Variants in PSME1 observed in about 807,000 individuals in gnomAD.
PSME1 encodes the protein proteasome activator subunit 1, also known as proteasome activator complex subunit 1.
A neutral mutation model predicts 38.4 loss-of-function variants in PSME1; 15 were observed. The ratio of observed to expected loss-of-function variants is 0.39; its 90% CI spans 0.26 to 0.60. The LOEUF (loss-of-function observed/expected upper bound fraction) is 0.60, where lower values mean the gene tolerates loss of function less well. Ranked by LOEUF, PSME1 falls within the 20% of genes least tolerant of loss-of-function variation. The pLI, the probability that PSME1 is intolerant of heterozygous loss-of-function variation, is 0.53. For synonymous variants in PSME1, 106 were observed against 106.8 expected, an observed-to-expected ratio of 0.99 and a Z score of 0.05; for missense variants, 249 against 305.6, an observed-to-expected ratio of 0.81 and a Z score of 1.38.
At chr14:24,138,674 C>T in intron 10 of PSME1, 62 bp from the exon 11 acceptor site, 1 of 1,613,660 alleles carries the variant, frequency 6.2e-7, no homozygotes, top group Non-Finnish European at 8.5e-7. Context: ...CTCCACAAGG[C>T]TAGAAATGGG....
In PSME1 at chr14:24,138,481, A is replaced by G; in HGVS notation, c.590A>G (p.Tyr197Cys). The G allele has an allele frequency of 1.1e-5, 17 of 1,614,106 alleles. No homozygotes were observed. The highest frequency in any genetic ancestry group is 1.4e-5 in the Non-Finnish European group (17 of 1,180,042). ...GACCCGAGCTTCCCACAGGGTGATT[A>G]TCGGCAGCTGGTGCACGAGCTGGAT... ...KAAKQPHVGD[Y>C]RQLVHELDEA... The change falls in exon 10 of 11, where the codon TAT becomes TGT. Residue 197 changes from tyrosine to cysteine, a missense_variant. Physicochemically the swap from Tyr to Cys is radical, Grantham distance 194. Coordinates refer to ENST00000206451, the MANE Select transcript of PSME1 (RefSeq NM_006263.4).
chr14:24,137,038 G>C (rs190595700), intron 2 of PSME1, 21 bp downstream of exon 2: 413 of 1,614,066 alleles, frequency 2.6e-4, no homozygotes, highest in Middle Eastern at 6.6e-4. Context: ...CCCCATCAGC[G>C]TGGCCCCACC....
Position 24,138,737 on chromosome 14 carries a change from C to T in PSME1, c.671C>T (p.Ala224Val). The change falls in exon 11 of 11, where the codon GCT (alanine) becomes GTT (valine). Residue 224 changes from alanine to valine, a missense_variant and splice_region_variant. By Grantham distance (64) the Ala-to-Val change is moderately conservative. Coordinates refer to ENST00000206451, the MANE Select transcript of PSME1 (RefSeq NM_006263.4). The stretch of plus-strand genomic sequence containing the variant: ...GACCTCTACTCCCTGGCCCTGTAGG[C>T]TGTGTTATATGACATCATCCTGAAG... ...LMVMEIRNAY[A>V]VLYDIILKNF... 1.2e-6 allele frequency: 2 copies of T among 1,614,132 alleles called. No individual in the cohort carries two copies. Among genetic ancestry groups the T allele is most frequent in the Non-Finnish European group, 1.7e-6 (2 of 1,180,008 alleles).
rs1213204730 is a variant in PSME1, at chr14:24,137,329, T to C, written c.144T>C (p.Ala48=). 2 of 1,613,968 alleles carry C rather than the reference T, an allele frequency of 1.2e-6. No individual in the cohort carries two copies. The highest frequency in any genetic ancestry group is 1.3e-5 in the African/African-American group (1 of 74,978). ...SELDAFLKEP[A]LNEANLSNLK... is the part of the protein sequence containing the mutation. Reference sequence around the variant, plus strand: ...CTCCCACCCTACACCAGGAGCCAGCTCTCAATGAAGCCAACTTGAGCAATC... The same window carrying C: ...CTCCCACCCTACACCAGGAGCCAGCCCTCAATGAAGCCAACTTGAGCAATC... Residue 48 remains alanine (A), a synonymous_variant, in exon 4 of 11, where the codon GCT becomes GCC. Transcript: ENST00000206451.
chr14:24,137,138 C>A lies in PSME1; in HGVS notation c.73-5C>A. ...CATCCTCCTCCACCCCCACCTCACA[C>A]ACAGACAGAGAACCTGCTCGGGAGC... On this transcript the variant is annotated splice_region_variant and splice_polypyrimidine_tract_variant and intron_variant, in intron 2 of 10. Transcript: ENST00000206451. The A allele has an allele frequency of 6.2e-7, 1 of 1,614,196 alleles. No homozygotes were observed. The highest frequency in any genetic ancestry group is 2.2e-5 in the East Asian group (1 of 44,890).
At chr14:24,138,634 C>A (rs1485978812) in intron 10 of PSME1, 74 bp downstream of exon 10, 2 of 1,613,662 alleles carry the variant, frequency 1.2e-6, no homozygotes, top group South Asian at 2.2e-5. Flanking sequence ...ACCCTGCAGG[C>A]TAGGGGTTAA....
Position 24,138,126 on chromosome 14 carries a change from G to A in PSME1, c.459+9G>A, listed in dbSNP as rs753551628. 26 of 1,613,988 alleles carry A rather than the reference G, an allele frequency of 1.6e-5. No homozygotes were observed. Among genetic ancestry groups the A allele is most frequent in the South Asian group, 3.3e-5 (3 of 91,088 alleles). ...TTGGAGTGGCTGTCCAGGTGAGAGCGCTGCCCCACTTCCCTGCTCTTTTCT... is the reference window on the plus strand; with the variant it reads ...TTGGAGTGGCTGTCCAGGTGAGAGCACTGCCCCACTTCCCTGCTCTTTTCT... On this transcript the variant is annotated intron_variant, in intron 7 of 10. Transcript: ENST00000206451.
chr14:24,136,411 C>A lies in PSME1; in HGVS notation c.39+110C>A, dbSNP rs2037903071. 3 of 1,121,862 alleles carry A rather than the reference C, an allele frequency of 2.7e-6. No homozygotes were observed. Among genetic ancestry groups the A allele is most frequent in the Non-Finnish European group, 3.6e-6 (3 of 843,242 alleles). The allele number at this position is 1,121,862 out of a possible 1,614,324, so 69.5% of individuals were successfully genotyped here. Reference sequence around the variant, plus strand: ...CCCACGCGAGTCGGGGGCAGTCGGCCGAGCTGGCGCGCCCGGAGCACCTGC... The same window carrying A: ...CCCACGCGAGTCGGGGGCAGTCGGCAGAGCTGGCGCGCCCGGAGCACCTGC... On this transcript the variant is annotated intron_variant, in intron 1 of 10. Coordinates refer to ENST00000206451, the MANE Select transcript of PSME1 (RefSeq NM_006263.4). The surrounding 1 kb of genome is among the most constrained non-coding windows in gnomAD (Gnocchi z 4.8).
Position 24,136,437 on chromosome 14 carries a change from G to A in PSME1, c.39+136G>A. ...GAGCTGGCGCGCCCGGAGCACCTGC[G>A]CCCCGGGGAGGGCGGCGACTGCTGC... On this transcript the variant is annotated intron_variant, in intron 1 of 10. Transcript: ENST00000206451. The surrounding 1 kb of genome is among the most constrained non-coding windows in gnomAD (Gnocchi z 4.8). 4.7e-6 allele frequency: 4 copies of A among 856,874 alleles called. No homozygotes were observed. Among genetic ancestry groups the A allele is most frequent in the South Asian group, 2.3e-5 (1 of 43,070 alleles). 53.1% of individuals were successfully genotyped at this position (856,874 alleles called of 1,614,324 possible). A position where few individuals can be genotyped will look rare whatever the true frequency, so the allele number is the denominator to read the frequency against.
intron 10 of PSME1, 43 bp from the exon 11 acceptor site, chr14:24,138,693 C>T (rs1399101626): frequency 1.2e-6 from 2 of 1,613,810 alleles, no homozygotes; most frequent in Non-Finnish European, 8.5e-7. Context: ...GGGCACAGAG[C>T]CACTGGAGGC....
At position 24,138,332 on chromosome 14, in the gene PSME1, TCTC is replaced by T. The variant is rs563955196; in HGVS notation, c.528-10_528-8del. The T allele has an allele frequency of 2.4e-4, 385 of 1,614,052 alleles. No homozygotes were observed. In the East Asian group the frequency reaches 8.2e-3, roughly 34 times the overall value. On this transcript the variant is annotated splice_polypyrimidine_tract_variant and intron_variant, in intron 8 of 10. Coordinates refer to ENST00000206451, the MANE Select transcript of PSME1 (RefSeq NM_006263.4). ...CTCCTTCTTCTACTCCATACACACT[TCTC>T]CTTCCACAGGTATTTCTCTGAGCGT...
intron 6 of PSME1, 76 bp from the exon 7 acceptor site, chr14:24,137,973 A>G: frequency 6.4e-7 from 1 of 1,562,796 alleles, no homozygotes; most frequent in Non-Finnish European, 8.8e-7. Context: ...CAGTGTGGGG[A>G]GGGAAGCAAG....
chr14:24,136,750 A>G lies in PSME1; in HGVS notation c.40-235A>G. On this transcript the variant is annotated intron_variant, in intron 1 of 10. Transcript: ENST00000206451. This position sits in a 1 kb window ranked among gnomAD's most constrained non-coding sequence, Gnocchi z 4.8. ...ACCGCCAGGAATGTTCTCATCCCCCATATCCAGCCCCAGGGATACCCACTC... is the reference window on the plus strand; with the variant it reads ...ACCGCCAGGAATGTTCTCATCCCCCGTATCCAGCCCCAGGGATACCCACTC... The G allele has an allele frequency of 3.2e-6, 2 of 616,594 alleles. No individual in the cohort carries two copies. The highest frequency in any genetic ancestry group is 5.8e-6 in the Non-Finnish European group (2 of 341,934). The allele number at this position is 616,594 out of a possible 1,614,324, so 38.2% of individuals were successfully genotyped here. A position where few individuals can be genotyped will look rare whatever the true frequency, so the allele number is the denominator to read the frequency against.
Position 24,137,128 on chromosome 14 carries a change from C to T in PSME1, c.73-15C>T. The T allele has an allele frequency of 6.2e-7, 1 of 1,614,146 alleles. No individual in the cohort carries two copies. Among genetic ancestry groups the T allele is most frequent in the Non-Finnish European group, 8.5e-7 (1 of 1,179,968 alleles). On this transcript the variant is annotated splice_polypyrimidine_tract_variant and intron_variant, in intron 2 of 10. Coordinates refer to ENST00000206451, the MANE Select transcript of PSME1 (RefSeq NM_006263.4). Reference sequence around the variant, plus strand: ...TGCTGACTCCCATCCTCCTCCACCCCCACCTCACACACAGACAGAGAACCT... The same window carrying T: ...TGCTGACTCCCATCCTCCTCCACCCTCACCTCACACACAGACAGAGAACCT...
In PSME1 at chr14:24,137,042, C is replaced by T. The variant is rs866271712; in HGVS notation, c.72+25C>T. The T allele has an allele frequency of 8.1e-6, 13 of 1,614,138 alleles. 1 individual carries two copies. The Middle Eastern group carries it at 1.8e-3, about 225-fold the overall frequency. On this transcript the variant is annotated intron_variant, in intron 2 of 10. Transcript: ENST00000206451. The stretch of plus-strand genomic sequence containing the variant: ...GGTAAGACATGCCCCATCAGCGTGG[C>T]CCCACCCCTGCCCAACTCCTACTGC...
intron 3 of PSME1, 47 bp from the exon 4 acceptor site, chr14:24,137,274 G>T (rs747113396): frequency 6.2e-7 from 1 of 1,611,114 alleles, no homozygotes; most frequent in South Asian, 1.1e-5. Context: ...TGAGAGTGAG[G>T]TGAGAGGAAC....
chr14:24,137,209 C>A lies in PSME1; in HGVS notation c.135+4C>A. ...TGAGCTGGATGCATTTTTAAAGGTA[C>A]CGCGGCTGGGCAGGGAGCTAGGGAG... On this transcript the variant is annotated splice_donor_region_variant and intron_variant, in intron 3 of 10. Transcript: ENST00000206451. 1 of 1,613,994 alleles carries A rather than the reference C, an allele frequency of 6.2e-7. No individual in the cohort carries two copies. The highest frequency in any genetic ancestry group is 8.5e-7 in the Non-Finnish European group (1 of 1,179,892).
chr14:24,137,256 G>A (rs779932104), intron 3 of PSME1, 51 bp downstream of exon 3: 2 of 1,611,258 alleles, frequency 1.2e-6, no homozygotes, highest in Non-Finnish European at 8.5e-7. Flanking sequence ...AGAAGAGTCT[G>A]GAGGCTGTGA....
At chr14:24,138,582 A>G in intron 10 of PSME1, 22 bp downstream of exon 10, 1 of 1,613,954 alleles carries the variant, frequency 6.2e-7, no homozygotes, top group South Asian at 1.1e-5. Context: ...AGGGCAGGGC[A>G]GGGGTGGGCA....
Sources: allele counts gnomAD v4.1 joint callset, GRCh38; gene constraint gnomAD v4.1.1; non-coding constraint Gnocchi (gnomAD v3.1); transcripts MANE v1.5; gene names NCBI Gene and HGNC (gene_info 2026-07-23, HGNC 2026-07-21).